HYLS1: variants seen among roughly 807,000 people sequenced by gnomAD.
HYLS1 encodes centriolar and ciliogenesis-associated protein HYLS1.
In HYLS1, 25 loss-of-function variants were observed where a neutral mutation model predicts 29.4. The ratio of observed to expected loss-of-function variants is 0.85; its 90% CI spans 0.62 to 1.19. The LOEUF (loss-of-function observed/expected upper bound fraction) is 1.19, where lower values mean the gene tolerates loss of function less well. Ranked by LOEUF, HYLS1 falls within the 50% of genes most tolerant of loss-of-function variation. The probability of loss-of-function intolerance (pLI) is 0.00; values close to 1 mark genes in which losing one functional copy is unlikely to be tolerated. For synonymous variants in HYLS1, 128 were observed against 126.7 expected, an observed-to-expected ratio of 1.01 and a Z score of -0.07; for missense variants, 352 against 365.1, an observed-to-expected ratio of 0.96 and a Z score of 0.29.
chr11:125,885,744 C>T (rs1170069660), upstream of HYLS1, among the ~76,000 whole-genome samples: 3 of 152,246 alleles, frequency 2.0e-5, no homozygotes, highest in East Asian at 5.8e-4. Flanking sequence ...GTAGGAGCTT[C>T]ATCTGTTTCT....
rs573868828 is a variant in HYLS1, at chr11:125,890,361, G to A, written c.-75-1062G>A. Among the ~76,000 whole-genome samples, 4 of 152,258 alleles carry A rather than the reference G, an allele frequency of 2.6e-5. No individual in the cohort carries two copies. In the East Asian group the frequency reaches 7.7e-4, roughly 29 times the overall value. On this transcript the variant is annotated intron_variant, in intron 1 of 2. Coordinates refer to ENST00000425380, the MANE Select transcript of HYLS1 (RefSeq NM_001134793.2). ...ATTCAAATTACTGATTTTTAAACGT[G>A]TTACAAGTATTTCTCCCAGTTTGTT...
chr11:125,894,173 G>GC (rs1373322075), intron 2 of HYLS1: 24 of 1,613,982 alleles, frequency 1.5e-5, no homozygotes, highest in Non-Finnish European at 1.9e-5. Flanking sequence ...AGCATGATTA[G>GC]CCCACAGTTG....
At chr11:125,895,616 G>A (rs751566290) in intron 2 of HYLS1, 98 of 1,614,154 alleles carry the variant, frequency 6.1e-5, no homozygotes, top group Non-Finnish European at 8.5e-7. Context: ...ACCTAGCACT[G>A]AAGCTTGGTT....
At chr11:125,893,219 C>T (rs1178406720) in intron 2 of HYLS1, among the ~76,000 whole-genome samples, 2 of 152,192 alleles carry the variant, frequency 1.3e-5, no homozygotes, top group Non-Finnish European at 2.9e-5. Flanking sequence ...CAGCCTAAAA[C>T]ATTTACTCAT....
chr11:125,899,872 C>A lies in HYLS1; in HGVS notation c.504C>A (p.Leu168=). 1 of 1,614,202 alleles carries A rather than the reference C, an allele frequency of 6.2e-7. No individual in the cohort carries two copies. Among genetic ancestry groups the A allele is most frequent in the Non-Finnish European group, 8.5e-7 (1 of 1,180,038 alleles). The change falls in exon 3 of 3, where the codon CTC becomes CTA. Residue 168 remains leucine (L), a synonymous_variant. Transcript: ENST00000425380. ...ACCAAGGAATTTCTCAAGATCAGCT[C>A]ATTTGCTCTCTACAAAGAGAAGGAA... ...HEYQGISQDQ[L]ICSLQREGMG...
At chr11:125,887,417 AC>A (rs1406769056), upstream of HYLS1, 1 of 152,238 alleles carries the variant, frequency 6.6e-6, no homozygotes, top group Non-Finnish European at 1.5e-5. Context: ...CGTCGCAGCA[AC>A]GGCTGCTGCC....
Position 125,899,384 on chromosome 11 carries a change from C to T in HYLS1, c.16C>T (p.Pro6Ser), listed in dbSNP as rs1944688134. The change falls in exon 3 of 3, where the codon CCT becomes TCT. Residue 6 changes from proline (P) to serine (S), a missense_variant. Pro to Ser is a moderately conservative substitution (Grantham distance 74). Transcript: ENST00000425380. ...AGGGGAAGCAATGGAAGAACTTCTA[C>T]CTGATGGACAAATATGGGCTAATAT... MEELLPDGQIWANMDP... is the reference protein window; with the variant it reads MEELLSDGQIWANMDP... The T allele has an allele frequency of 2.5e-6, 4 of 1,613,948 alleles. No individual in the cohort carries two copies. In the South Asian group the frequency reaches 4.4e-5, roughly 18 times the overall value.
intron 2 of HYLS1, chr11:125,894,379 G>GATC: frequency 1.0e-6 from 1 of 993,410 alleles, no homozygotes; most frequent in South Asian, 1.6e-5. Context: ...AGGGAGCCGG[G>GATC]TAGGGCGCCA....
In HYLS1 at chr11:125,900,405, C is replaced by G; in HGVS notation, c.*137C>G. On this transcript the variant is annotated 3_prime_UTR_variant, in exon 3 of 3. Coordinates refer to ENST00000425380, the MANE Select transcript of HYLS1 (RefSeq NM_001134793.2). The stretch of plus-strand genomic sequence containing the variant: ...GGACTTCACCTATCATTGGTCTTTC[C>G]TAGCTATATATCACATTGGTATCAG... 2.6e-6 allele frequency: 2 copies of G among 783,598 alleles called. No homozygotes were observed. The highest frequency in any genetic ancestry group is 4.3e-6 in the Non-Finnish European group (2 of 470,514). The allele number at this position is 783,598 out of a possible 1,614,324, so 48.5% of individuals were successfully genotyped here.
intron 2 of HYLS1, chr11:125,896,171 G>A (rs1421999429): frequency 6.2e-7 from 1 of 1,614,146 alleles, no homozygotes; most frequent in South Asian, 1.1e-5. Context: ...TAATGTTTGA[G>A]TCCTCCTTAT....
At position 125,900,254 on chromosome 11, in the gene HYLS1, C is replaced by G. The variant is rs1277715029; in HGVS notation, c.886C>G (p.Leu296Val). 8.7e-6 allele frequency: 14 copies of G among 1,613,986 alleles called. No homozygotes were observed. The highest frequency in any genetic ancestry group is 5.5e-5 in the South Asian group (5 of 91,062). The change falls in exon 3 of 3, where the codon CTT becomes GTT. Residue 296 changes from leucine (L) to valine (V), a missense_variant. Coordinates refer to ENST00000425380, the MANE Select transcript of HYLS1 (RefSeq NM_001134793.2). ...GVIPRKLPFP[L>V]SPS is the part of the protein sequence containing the mutation. Reference sequence around the variant, plus strand: ...CATACCCAGGAAGCTTCCCTTCCCTCTTTCTCCTTCTTAAATCTTTTTAAA... The same window carrying G: ...CATACCCAGGAAGCTTCCCTTCCCTGTTTCTCCTTCTTAAATCTTTTTAAA...
At chr11:125,896,355 A>G (rs1565454541) in intron 2 of HYLS1, 9 of 1,402,540 alleles carry the variant, frequency 6.4e-6, no homozygotes, top group South Asian at 1.4e-5. Context: ...AAGGGATACA[A>G]CAGTTTCAAT....
At chr11:125,884,343 C>T (rs746927331), upstream of HYLS1, among the ~76,000 whole-genome samples, 4 of 152,086 alleles carry the variant, frequency 2.6e-5, no homozygotes, top group Non-Finnish European at 4.4e-5. Context: ...GGCGCGGTGG[C>T]GGGTGCCTGT....
intron 2 of HYLS1, chr11:125,893,661 C>CTTT (rs199640542): frequency 1.1e-5 from 7 of 660,146 alleles, no homozygotes; most frequent in East Asian, 3.2e-5. Context: ...AGTCTTTTTG[C>CTTT]TTTTTTTTTT....
intron 2 of HYLS1, chr11:125,894,175 C>T: frequency 1.2e-6 from 2 of 1,614,028 alleles, no homozygotes; most frequent in East Asian, 2.2e-5. Flanking sequence ...CATGATTAGC[C>T]CACAGTTGTT....
At chr11:125,897,551 A>G (rs182021112) in intron 2 of HYLS1, among the ~76,000 whole-genome samples, 1 of 151,426 alleles carries the variant, frequency 6.6e-6, no homozygotes, top group Non-Finnish European at 1.5e-5. Context: ...GCAACCTGAG[A>G]GTCAAATGGG....
Position 125,900,039 on chromosome 11 carries a change from A to C in HYLS1, c.671A>C (p.Asp224Ala). 6.2e-7 allele frequency: 1 copy of C among 1,614,172 alleles called. No homozygotes were observed. Among genetic ancestry groups the C allele is most frequent in the Non-Finnish European group, 8.5e-7 (1 of 1,180,042 alleles). ...ARYFEYKRDW[D>A]SIRLPGEDHR... is the part of the protein sequence containing the mutation. ...TATTTTGAGTACAAACGGGACTGGG[A>C]CTCAATACGTTTACCTGGTGAAGAT... The change falls in exon 3 of 3, where the codon GAC becomes GCC. Residue 224 changes from aspartate to alanine, a missense_variant. Coordinates refer to ENST00000425380, the MANE Select transcript of HYLS1 (RefSeq NM_001134793.2).
chr11:125,895,598 G>A lies in HYLS1; in HGVS notation c.-25-3746G>A, dbSNP rs750088950. The A allele has an allele frequency of 4.3e-6, 7 of 1,614,114 alleles. No homozygotes were observed. In the African/African-American group the frequency reaches 6.7e-5, roughly 15 times the overall value. ...AAAAATAGCGGTAAGTCCGCTCAAG[G>A]CAGCTGAACCTAGCACTGAAGCTTG... On this transcript the variant is annotated intron_variant, in intron 2 of 2. Transcript: ENST00000425380.
chr11:125,895,889 CAG>C, intron 2 of HYLS1: 1 of 1,606,512 alleles, frequency 6.2e-7, no homozygotes, highest in Non-Finnish European at 8.5e-7. Context: ...CTTTGAGAAA[CAG>C]TGTATTGGCC....
Sources: allele counts gnomAD v4.1 joint callset (sites outside exome capture counted in the v4.1 genomes callset), GRCh38; gene constraint gnomAD v4.1.1; transcripts MANE v1.5; gene names NCBI Gene and HGNC (gene_info 2026-07-23, HGNC 2026-07-21).